Variants in MARK1 observed in about 807,000 individuals in gnomAD.
The protein encoded by MARK1 is microtubule affinity regulating kinase 1, also known as serine/threonine-protein kinase MARK1.
MARK1 carries 40 observed loss-of-function variants against 96.3 expected under a neutral mutation model. The ratio of observed to expected loss-of-function variants is 0.42; its 90% CI spans 0.32 to 0.54. The LOEUF (loss-of-function observed/expected upper bound fraction) is 0.54, where lower values mean the gene tolerates loss of function less well. MARK1 is among the 20% of genes least tolerant of loss of function. The pLI, the probability that MARK1 is intolerant of heterozygous loss-of-function variation, is 0.16. For missense variants in MARK1, 719 were observed against 984.6 expected (o/e 0.73, Z 3.61); for synonymous variants, 317 against 341.2 (o/e 0.93, Z 0.78).
At chr1:220,586,183 A>C (rs2589594) in intron 3 of MARK1, among the ~76,000 whole-genome samples, 142,767 of 152,062 alleles carry the variant, frequency 0.94, 67,736 homozygotes, top group East Asian at 1. Context: ...AAAGGTCCTC[A>C]CTTCCTTTTC....
At chr1:220,579,133 C>G (rs1361989485) in intron 1 of MARK1, among the ~76,000 whole-genome samples, 2 of 152,132 alleles carry the variant, frequency 1.3e-5, no homozygotes, top group Non-Finnish European at 2.9e-5. Context: ...TGAGCCACCA[C>G]CATGCTTGGC....
At chr1:220,579,312 T>C (rs1664073222) in intron 1 of MARK1, 42 bp from the exon 2 acceptor site, 23 of 1,327,066 alleles carry the variant, frequency 1.7e-5, no homozygotes, top group Non-Finnish European at 2.5e-5. Context: ...CCTTTTATAA[T>C]ATAATTTAAT....
chr1:220,633,053 G>T (rs1215346121), intron 11 of MARK1, among the ~76,000 whole-genome samples: 2 of 152,152 alleles, frequency 1.3e-5, no homozygotes, highest in Admixed American at 6.5e-5. Context: ...TGGCAAGAGG[G>T]AACAGGTGAG....
chr1:220,578,032 G>A (rs1663991668), intron 1 of MARK1, among the ~76,000 whole-genome samples: 1 of 152,206 alleles, frequency 6.6e-6, no homozygotes, highest in Non-Finnish European at 1.5e-5. Context: ...CGTGAGATTG[G>A]TAAATGGATT....
chr1:220,606,881 A>G (rs1666113214), intron 6 of MARK1, among the ~76,000 whole-genome samples: 2 of 152,060 alleles, frequency 1.3e-5, no homozygotes, highest in African/African-American at 4.8e-5. Context: ...ATTGGTCTGT[A>G]TTTCTGTTTT....
At chr1:220,643,387 G>A (rs551384040) in intron 13 of MARK1, among the ~76,000 whole-genome samples, 2 of 152,050 alleles carry the variant, frequency 1.3e-5, no homozygotes, top group South Asian at 4.1e-4. Context: ...CAAGATTAGA[G>A]AAAAAAGGAT....
At chr1:220,599,685 A>G in intron 4 of MARK1, 113 bp from the exon 5 acceptor site, 1 of 507,106 alleles carries the variant, frequency 2.0e-6, no homozygotes, top group Non-Finnish European at 3.4e-6. Context: ...TGTGATTAAT[A>G]ATGTTTAGCA....
chr1:220,594,455 A>G (rs1159369957), intron 3 of MARK1, among the ~76,000 whole-genome samples: 5 of 152,194 alleles, frequency 3.3e-5, no homozygotes, highest in Non-Finnish European at 7.3e-5. Context: ...TTTAGAAGAG[A>G]GTTTGGCAGT....
intron 1 of MARK1, among the ~76,000 whole-genome samples, chr1:220,557,884 C>G (rs1488826098): frequency 6.6e-6 from 1 of 151,956 alleles, no homozygotes. Context: ...AATCCCAGAA[C>G]TTTGGGAAGC....
chr1:220,631,155 A>G, intron 10 of MARK1, 21 bp downstream of exon 10: 3 of 1,543,270 alleles, frequency 1.9e-6, no homozygotes. Flanking sequence ...AAACATGGTA[A>G]GAAGTGCTGT....
rs1018648647 is a variant in MARK1 at position 220,652,083 on chromosome 1, A to G, written c.1669A>G (p.Thr557Ala). 1.2e-6 allele frequency: 2 copies of G among 1,613,462 alleles called. No homozygotes were observed. The highest frequency in any genetic ancestry group is 1.3e-5 in the African/African-American group (1 of 74,858). ...ACCCCGCCACCAGAAGTCCATGTCC[A>G]CTTCTGGTCATCCTATTAAAGTCAC... is the stretch of plus-strand genomic sequence containing the variant. Reference protein sequence around the residue: ...ARPRHQKSMSTSGHPIKVTLP... With the variant: ...ARPRHQKSMSASGHPIKVTLP... The change falls in exon 15 of 18, where the codon ACT (threonine) becomes GCT (alanine). Residue 557 changes from threonine to alanine, a missense_variant. Transcript: ENST00000366917.
intron 1 of MARK1, among the ~76,000 whole-genome samples, chr1:220,533,957 T>C (rs760147368): frequency 6.6e-6 from 1 of 152,100 alleles, no homozygotes; most frequent in Non-Finnish European, 1.5e-5. Context: ...AGTTACCATA[T>C]ATGTTTAGAT....
At position 220,528,587 on chromosome 1, in the gene MARK1, C is replaced by T. The variant is rs960323489; in HGVS notation, c.-236C>T. 9 of 479,092 alleles carry T rather than the reference C, an allele frequency of 1.9e-5. No homozygotes were observed. Among genetic ancestry groups the T allele is most frequent in the Non-Finnish European group, 2.9e-5 (8 of 272,994 alleles). 29.7% of individuals were successfully genotyped at this position (479,092 alleles called of 1,614,324 possible). A position where few individuals can be genotyped will look rare whatever the true frequency, so the allele number is the denominator to read the frequency against. ...AACCGCCTCGCCCGAAGCCCTCCCT[C>T]GTTACTGTCCGCATACCCCGGCGGC... On this transcript the variant is annotated 5_prime_UTR_variant, in exon 1 of 18. Coordinates refer to ENST00000366917, the MANE Select transcript of MARK1 (RefSeq NM_018650.5).
intron 13 of MARK1, among the ~76,000 whole-genome samples, chr1:220,639,563 A>G (rs1199228411): frequency 6.6e-6 from 1 of 152,126 alleles, no homozygotes; most frequent in Non-Finnish European, 1.5e-5. Flanking sequence ...GTATACTTCT[A>G]TTAGAGGCAT....
At chr1:220,659,570 G>T (rs1669358082) in intron 17 of MARK1, among the ~76,000 whole-genome samples, 2 of 152,118 alleles carry the variant, frequency 1.3e-5, no homozygotes, top group South Asian at 4.1e-4. Context: ...CACCTAGTAA[G>T]TACTCAATAA....
At chr1:220,645,540 G>A (rs1668530604) in intron 13 of MARK1, among the ~76,000 whole-genome samples, 1 of 152,160 alleles carries the variant, frequency 6.6e-6, no homozygotes, top group Admixed American at 6.6e-5. Context: ...TTGAAAAGGA[G>A]GGACTCCTCC....
chr1:220,574,063 G>A (rs1319890370), intron 1 of MARK1, among the ~76,000 whole-genome samples: 2 of 152,082 alleles, frequency 1.3e-5, no homozygotes, highest in African/African-American at 4.8e-5. Flanking sequence ...TGTTTCTGTT[G>A]ACTATTATTT....
intron 13 of MARK1, among the ~76,000 whole-genome samples, chr1:220,643,273 GA>G (rs1201512476): frequency 6.6e-6 from 1 of 152,076 alleles, no homozygotes; most frequent in Non-Finnish European, 1.5e-5. Context: ...TGGTGGAGCC[GA>G]AAAACACAGC....
chr1:220,555,907 A>G (rs565535193), intron 1 of MARK1, among the ~76,000 whole-genome samples: 42 of 152,362 alleles, frequency 2.8e-4, no homozygotes, highest in African/African-American at 1.0e-3. Context: ...CTGAATTGAC[A>G]TGGTTCCCTT....
Sources: allele counts gnomAD v4.1 joint callset (sites outside exome capture counted in the v4.1 genomes callset), GRCh38; gene constraint gnomAD v4.1.1; transcripts MANE v1.5; gene names NCBI Gene and HGNC (gene_info 2026-07-23, HGNC 2026-07-21).